The following MNAT1 variants were observed in gnomAD, a reference collection of about 807,000 sequenced individuals.
The protein encoded by MNAT1 is MNAT1 component of CDK activating kinase.
MNAT1 carries 43 observed loss-of-function variants against 42.0 expected under a neutral mutation model. The observed-to-expected ratio is 1.02, with a 90% CI of 0.80 to 1.32. The LOEUF is 1.32. Ranked by LOEUF, MNAT1 falls within the 40% of genes most tolerant of loss-of-function variation. The pLI, the probability that MNAT1 is intolerant of heterozygous loss-of-function variation, is 0.00. For synonymous variants in MNAT1, 118 were observed against 120.0 expected, an observed-to-expected ratio of 0.98 and a Z score of 0.11; for missense variants, 306 against 350.4, an observed-to-expected ratio of 0.87 and a Z score of 1.01.
At chr14:60,803,395 A>T (rs530886377) in intron 3 of MNAT1, among the ~76,000 whole-genome samples, 3 of 152,344 alleles carry the variant, frequency 2.0e-5, no homozygotes, top group South Asian at 4.1e-4. Context: ...ACTGAGCTGT[A>T]CACACATTAT....
Position 60,811,298 on chromosome 14 carries a change from C to CTT in MNAT1, c.421-668_421-667dup, listed in dbSNP as rs569520885. On this transcript the variant is annotated intron_variant, in intron 4 of 7. Transcript: ENST00000261245. ...TTTAGGGCTCTTATTTCTATTCTTT[C>CTT]TTTTTTTTTTTTTTTTTTTTTTGAG... Among the ~76,000 whole-genome samples the CTT allele has an allele frequency of 3.7e-4, 30 of 80,156 alleles. 1 individual carries two copies. The highest frequency in any genetic ancestry group is 7.2e-4 in the African/African-American group (15 of 20,952). 52.6% of individuals were successfully genotyped at this position (80,156 alleles called of 152,430 possible).
intron 6 of MNAT1, among the ~76,000 whole-genome samples, chr14:60,826,122 A>G (rs866820797): frequency 7.9e-5 from 12 of 152,122 alleles, no homozygotes; most frequent in Admixed American, 1.3e-4. Flanking sequence ...GTCAGTGAAC[A>G]TATTTTGATT....
At chr14:60,924,094 A>G (rs1311126423) in intron 7 of MNAT1, among the ~76,000 whole-genome samples, 1 of 152,220 alleles carries the variant, frequency 6.6e-6, no homozygotes, top group Non-Finnish European at 1.5e-5. Flanking sequence ...TTGTTTCAGA[A>G]AACAAGCATT....
chr14:60,943,713 G>A (rs1443125071), intron 7 of MNAT1, among the ~76,000 whole-genome samples: 1 of 151,840 alleles, frequency 6.6e-6, no homozygotes, highest in Non-Finnish European at 1.5e-5. Flanking sequence ...TGGTTGCTAG[G>A]GCACCCATGC....
At position 60,911,241 on chromosome 14, in the gene MNAT1, G is replaced by T. The variant is rs1379438458; in HGVS notation, c.809+31406G>T. On this transcript the variant is annotated intron_variant, in intron 7 of 7. Coordinates refer to ENST00000261245, the MANE Select transcript of MNAT1 (RefSeq NM_002431.4). ...TTCTTCTTTATTAGTCTTGCTAGCA[G>T]TCTATCAATTTTGTTGATCTTTTCA... Among the ~76,000 whole-genome samples the T allele has an allele frequency of 4.6e-5, 7 of 152,094 alleles. No individual in the cohort carries two copies. In the South Asian group the frequency reaches 1.5e-3, roughly 32 times the overall value.
chr14:60,813,280 A>G (rs2032612266), intron 5 of MNAT1, among the ~76,000 whole-genome samples: 1 of 152,028 alleles, frequency 6.6e-6, no homozygotes, highest in Admixed American at 6.6e-5. Context: ...TTGTTCCTGT[A>G]TTGGTGCTTG....
intron 7 of MNAT1, among the ~76,000 whole-genome samples, chr14:60,928,964 C>T (rs988254423): frequency 2.0e-5 from 3 of 150,610 alleles, no homozygotes; most frequent in South Asian, 2.1e-4. Context: ...CTGGCTAACA[C>T]GGTGAAAGCT....
At chr14:60,867,524 G>C (rs964775844) in intron 6 of MNAT1, among the ~76,000 whole-genome samples, 2 of 152,068 alleles carry the variant, frequency 1.3e-5, no homozygotes, top group Non-Finnish European at 2.9e-5. Context: ...TTCTAATAGA[G>C]TTGGGAATCT....
At chr14:60,773,877 G>A (rs1054730479) in intron 1 of MNAT1, among the ~76,000 whole-genome samples, 1 of 152,196 alleles carries the variant, frequency 6.6e-6, no homozygotes, top group Admixed American at 6.5e-5. Flanking sequence ...TGTTTCTCAA[G>A]ATGTTCTCAA....
intron 1 of MNAT1, 85 bp downstream of exon 1, chr14:60,735,036 G>A (rs981637112): frequency 1.3e-5 from 17 of 1,298,382 alleles, no homozygotes; most frequent in Non-Finnish European, 1.8e-5. Context: ...CTCGTCTTGG[G>A]AGCAAAGGGC....
chr14:60,759,368 T>A, intron 1 of MNAT1, among the ~76,000 whole-genome samples: 1 of 152,218 alleles, frequency 6.6e-6, no homozygotes, highest in East Asian at 1.9e-4. Flanking sequence ...AAATTAATTT[T>A]GTTTGGCCCT....
chr14:60,833,272 T>G (rs944819133), intron 6 of MNAT1, among the ~76,000 whole-genome samples: 28 of 152,088 alleles, frequency 1.8e-4, no homozygotes, highest in Non-Finnish European at 2.1e-4. Flanking sequence ...CAAAGGGAAT[T>G]CTTCCAGCTT....
intron 7 of MNAT1, among the ~76,000 whole-genome samples, chr14:60,939,966 G>T (rs2036105154): frequency 6.6e-6 from 1 of 152,170 alleles, no homozygotes; most frequent in Non-Finnish European, 1.5e-5. Flanking sequence ...TTGTTGAATT[G>T]ATCCCTTTAC....
chr14:60,759,094 T>C (rs2030487794), intron 1 of MNAT1, among the ~76,000 whole-genome samples: 1 of 152,206 alleles, frequency 6.6e-6, no homozygotes, highest in East Asian at 1.9e-4. Flanking sequence ...CTGCTCATTG[T>C]CATCCCTTAA....
At chr14:60,906,026 A>G (rs181823045) in intron 7 of MNAT1, among the ~76,000 whole-genome samples, 1 of 152,308 alleles carries the variant, frequency 6.6e-6, no homozygotes, top group Non-Finnish European at 1.5e-5. Context: ...GTAGTGTGCT[A>G]TTTTTGGTGA....
chr14:60,888,853 T>C (rs1161245694), intron 7 of MNAT1, among the ~76,000 whole-genome samples: 1 of 138,178 alleles, frequency 7.2e-6, no homozygotes, highest in African/African-American at 2.7e-5. Context: ...TCACAATTGC[T>C]TCAAAGAGAA....
intron 1 of MNAT1, among the ~76,000 whole-genome samples, chr14:60,767,304 A>C (rs2030868118): frequency 6.6e-6 from 1 of 152,222 alleles, no homozygotes; most frequent in South Asian, 2.1e-4. Context: ...GTTACTCTGC[A>C]AACCTGTAGT....
chr14:60,746,942 ACAC>A (rs2140288757), intron 1 of MNAT1, among the ~76,000 whole-genome samples: 1 of 34,716 alleles, frequency 2.9e-5, no homozygotes, highest in African/African-American at 5.3e-5. Context: ...ACACACACAC[ACAC>A]ACACACACAC....
intron 3 of MNAT1, among the ~76,000 whole-genome samples, chr14:60,804,634 T>C (rs879772688): frequency 6.6e-6 from 1 of 152,162 alleles, no homozygotes; most frequent in African/African-American, 2.4e-5. Flanking sequence ...CAAATGATCC[T>C]CCTGCCTCTA....
Sources: gnomAD v4.1 joint callset for allele counts (sites outside exome capture counted in the v4.1 genomes callset) on GRCh38, gnomAD v4.1.1 for gene constraint, MANE v1.5 for transcripts, NCBI Gene and HGNC (gene_info 2026-07-23, HGNC 2026-07-21) for gene names.